Variants in GADL1 observed in about 807,000 individuals in gnomAD.
The protein encoded by GADL1 is GAD like acidic amino acid decarboxylase 1.
In GADL1, 71 loss-of-function variants were observed where a neutral mutation model predicts 69.5. The ratio of observed to expected loss-of-function variants is 1.02; its 90% confidence interval spans 0.84 to 1.25. The LOEUF is 1.25. Ranked by LOEUF, GADL1 falls within the 50% of genes most tolerant of loss-of-function variation. GADL1 has a pLI of 0.00. For missense variants in GADL1, 737 were observed against 631.8 expected (o/e 1.17, Z -1.79); for synonymous variants, 254 against 214.4 (o/e 1.18, Z -1.62).
intron 1 of GADL1, among the ~76,000 whole-genome samples, chr3:30,880,738 G>C (rs1698631642): frequency 6.6e-6 from 1 of 151,884 alleles, no homozygotes. Context: ...GGAGGTCCTG[G>C]AACCAATTCC....
chr3:30,740,477 G>A (rs150503531), intron 14 of GADL1, among the ~76,000 whole-genome samples: 2 of 150,200 alleles, frequency 1.3e-5, no homozygotes, highest in African/African-American at 2.4e-5. Context: ...AGAGTTTAGG[G>A]TAAGTGATAC....
At chr3:30,837,627 T>C (rs528493432) in intron 9 of GADL1, among the ~76,000 whole-genome samples, 1 of 152,280 alleles carries the variant, frequency 6.6e-6, no homozygotes, top group South Asian at 2.1e-4. Flanking sequence ...TTTACTTTTC[T>C]CCATTTTATA....
chr3:30,835,928 C>T (rs967219090), intron 9 of GADL1, among the ~76,000 whole-genome samples: 1 of 152,036 alleles, frequency 6.6e-6, no homozygotes, highest in Non-Finnish European at 1.5e-5. Flanking sequence ...AAGGCAAATG[C>T]CCTCAGCATC....
At chr3:30,839,803 T>C (rs939115068) in intron 8 of GADL1, among the ~76,000 whole-genome samples, 1 of 152,000 alleles carries the variant, frequency 6.6e-6, no homozygotes, top group Non-Finnish European at 1.5e-5. Flanking sequence ...CATGAACGGG[T>C]ACTGGTGGGA....
chr3:30,844,001 C>T (rs1474927622), intron 8 of GADL1, among the ~76,000 whole-genome samples: 1 of 152,200 alleles, frequency 6.6e-6, no homozygotes, highest in Non-Finnish European at 1.5e-5. Context: ...GGAAACTCCA[C>T]AGAACATGGA....
rs778209588 is a variant in GADL1 at position 30,786,375 on chromosome 3, C to T, written c.1282G>A (p.Gly428Arg). ...CTTACTTCCATCAGTAACTTGAATC[C>T]TTCTCTTTTCTTGATTTCATCTACT... ...YLVDEIKKRE[G>R]FKLLMEPEYA... Residue 428 changes from glycine (G) to arginine (R), a missense_variant, in exon 13 of 15, where the codon GGA becomes AGA. Gly to Arg is a moderately radical substitution (Grantham distance 125). Transcript: ENST00000282538. 1.6e-5 allele frequency: 25 copies of T among 1,552,600 alleles called. No homozygotes were observed. In the South Asian group the frequency reaches 2.7e-4, roughly 17 times the overall value.
At position 30,805,734 on chromosome 3, in the gene GADL1, C is replaced by CTTTTTTTTTTTTTTTTTTTTTTTTT. The variant is rs34788058; in HGVS notation, c.1051-4647_1051-4646insAAAAAAAAAAAAAAAAAAAAAAAAA. Among the ~76,000 whole-genome samples, 33 of 66,086 alleles carry CTTTTTTTTTTTTTTTTTTTTTTTTT rather than the reference C, an allele frequency of 5.0e-4. 1 individual carries two copies. Among genetic ancestry groups the CTTTTTTTTTTTTTTTTTTTTTTTTT allele is most frequent in the African/African-American group, 2.5e-3 (29 of 11,830 alleles). 43.4% of individuals were successfully genotyped at this position (66,086 alleles called of 152,430 possible). A position where few individuals can be genotyped will look rare whatever the true frequency, so the allele number is the denominator to read the frequency against. ...ATTCTGTGCACCAGCAGTCCCCAGCCTTTTTTTTTTTTTTTTTTTTTTTTG... is the reference window on the plus strand; with the variant it reads ...ATTCTGTGCACCAGCAGTCCCCAGCCTTTTTTTTTTTTTTTTTTTTTTTTTTTTTTTTTTTTTTTTTTTTTTTTTG... On this transcript the variant is annotated intron_variant, in intron 11 of 14. Coordinates refer to ENST00000282538, the MANE Select transcript of GADL1 (RefSeq NM_207359.3).
intron 1 of GADL1, among the ~76,000 whole-genome samples, chr3:30,887,184 G>A (rs967066988): frequency 6.6e-6 from 1 of 152,172 alleles, no homozygotes; most frequent in Non-Finnish European, 1.5e-5. Flanking sequence ...AGCATATGCA[G>A]TCAAGGACTG....
chr3:30,815,186 C>G (rs115798417), intron 11 of GADL1, among the ~76,000 whole-genome samples: 1,543 of 152,054 alleles, frequency 0.01, 21 homozygotes, highest in African/African-American at 0.036. Flanking sequence ...CATTGTTCCC[C>G]CGATGCCCCA....
At chr3:30,866,638 T>C (rs963588795) in intron 1 of GADL1, among the ~76,000 whole-genome samples, 4 of 151,954 alleles carry the variant, frequency 2.6e-5, no homozygotes, top group African/African-American at 7.2e-5. Flanking sequence ...ACCACAGTGG[T>C]TGGGGGTTCC....
intron 13 of GADL1, among the ~76,000 whole-genome samples, chr3:30,785,699 G>A (rs561940094): frequency 1.3e-5 from 2 of 152,176 alleles, no homozygotes; most frequent in East Asian, 3.9e-4. Context: ...GTATAGCACA[G>A]GTTCCAAGAC....
chr3:30,781,937 ATTT>A, intron 13 of GADL1, among the ~76,000 whole-genome samples: 1 of 152,322 alleles, frequency 6.6e-6, no homozygotes, highest in Non-Finnish European at 1.5e-5. Context: ...TTGGTACTAT[ATTT>A]GAAGGGAAAC....
At chr3:30,765,315 C>CTGAA (rs1553636909) in intron 14 of GADL1, among the ~76,000 whole-genome samples, 5 of 151,824 alleles carry the variant, frequency 3.3e-5, no homozygotes, top group African/African-American at 1.2e-4. Context: ...TGCAGACCAA[C>CTGAA]TCACACTTTC....
Position 30,822,350 on chromosome 3 carries a change from CAT to C in GADL1, c.1050+11501_1050+11502del, listed in dbSNP as rs542919002. Among the ~76,000 whole-genome samples the C allele has an allele frequency of 9.7e-4, 147 of 152,086 alleles. 1 individual carries two copies. In the Middle Eastern group the frequency reaches 0.027, roughly 28 times the overall value. ...GTTATAGGAGGAAAGCTTCTAAAAA[CAT>C]ATATGGACTTTCATGTAATGCAAAC... On this transcript the variant is annotated intron_variant, in intron 11 of 14. Coordinates refer to ENST00000282538, the MANE Select transcript of GADL1 (RefSeq NM_207359.3).
chr3:30,795,687 C>T (rs949260856), intron 12 of GADL1, among the ~76,000 whole-genome samples: 9 of 152,118 alleles, frequency 5.9e-5, no homozygotes, highest in African/African-American at 2.2e-4. Flanking sequence ...CCTTCTGTTG[C>T]TAATTTACTA....
At chr3:30,754,250 T>C (rs987621462) in intron 14 of GADL1, among the ~76,000 whole-genome samples, 1 of 152,128 alleles carries the variant, frequency 6.6e-6, no homozygotes, top group Non-Finnish European at 1.5e-5. Context: ...GCCTACCATT[T>C]TATTTTTTCA....
chr3:30,761,861 G>A (rs1696142232), intron 14 of GADL1, among the ~76,000 whole-genome samples: 1 of 152,110 alleles, frequency 6.6e-6, no homozygotes. Context: ...TCTTGAAACA[G>A]CACAACACAA....
At chr3:30,890,203 C>T (rs919972267) in intron 1 of GADL1, among the ~76,000 whole-genome samples, 1 of 152,110 alleles carries the variant, frequency 6.6e-6, no homozygotes, top group African/African-American at 2.4e-5. Flanking sequence ...ATGAAAAGAA[C>T]TTAAGATTTC....
chr3:30,808,011 A>AGTGGC (rs1697285921), intron 11 of GADL1, among the ~76,000 whole-genome samples: 4 of 152,048 alleles, frequency 2.6e-5, no homozygotes, highest in Non-Finnish European at 4.4e-5. Flanking sequence ...CAGCCTGGGC[A>AGTGGC]ACAGAGAGAG....
Sources: allele counts gnomAD v4.1 joint callset (sites outside exome capture counted in the v4.1 genomes callset), GRCh38; gene constraint gnomAD v4.1.1; transcripts MANE v1.5; gene names NCBI Gene and HGNC (gene_info 2026-07-23, HGNC 2026-07-21).